The following NCOA1 variants were observed in gnomAD, a reference collection of about 807,000 sequenced individuals.
NCOA1 encodes Hin-2 protein.
NCOA1 carries 35 observed loss-of-function variants against 150.9 expected under a neutral mutation model. The observed-to-expected ratio is 0.23, with a 90% CI of 0.18 to 0.31. The LOEUF is 0.31. Ranked by LOEUF, NCOA1 falls within the 10% of genes least tolerant of loss-of-function variation. The pLI is 1.00. For missense variants in NCOA1, 1,491 were observed against 1,749.3 expected (o/e 0.85, Z 2.63); for synonymous variants, 590 against 630.0 (o/e 0.94, Z 0.95).
At chr2:24,748,522 A>C (rs950101683) in intron 19 of NCOA1, among the ~76,000 whole-genome samples, 4 of 151,348 alleles carry the variant, frequency 2.6e-5, no homozygotes, top group African/African-American at 9.7e-5. Flanking sequence ...AGACAGGAGA[A>C]TTGCTTGAAC....
intron 1 of NCOA1, among the ~76,000 whole-genome samples, chr2:24,511,755 T>G (rs1259461414): frequency 6.6e-6 from 1 of 152,212 alleles, no homozygotes; most frequent in Non-Finnish European, 1.5e-5. Context: ...TTTTGTTCCT[T>G]CTTATGCTTT....
chr2:24,705,197 T>C lies in NCOA1; in HGVS notation c.1061T>C (p.Met354Thr), dbSNP rs770695296. ...CKLCYPQSPD[M>T]QPFIMGIHII... ...CTTTGCTACCCTCAAAGTCCAGACA[T>C]GCAACCTTTCATCATGGGAATTCAT... Residue 354 changes from methionine to threonine, a missense_variant, in exon 12 of 23, where the codon ATG (methionine) becomes ACG (threonine). This residue lies in a region of NCOA1 where 703 missense variants were observed against 717.7 expected (regional missense o/e 0.98). Coordinates refer to ENST00000348332, the MANE Select transcript of NCOA1 (RefSeq NM_003743.5). The C allele has an allele frequency of 1.2e-6, 2 of 1,613,924 alleles. No individual in the cohort carries two copies. The highest frequency in any genetic ancestry group is 1.7e-6 in the Non-Finnish European group (2 of 1,179,914).
chr2:24,756,536 C>G (rs544640579), intron 20 of NCOA1, among the ~76,000 whole-genome samples: 60 of 152,168 alleles, frequency 3.9e-4, no homozygotes, highest in Non-Finnish European at 7.8e-4. Context: ...GTCAGTATAT[C>G]CTTCTTAACA....
chr2:24,684,913 TA>T (rs1346216118), intron 8 of NCOA1, among the ~76,000 whole-genome samples: 1 of 152,078 alleles, frequency 6.6e-6, no homozygotes, highest in African/African-American at 2.4e-5. Context: ...TAGGAGAAAA[TA>T]AATTATAGTA....
chr2:24,502,689 T>C (rs982117041), intron 1 of NCOA1, among the ~76,000 whole-genome samples: 5 of 152,194 alleles, frequency 3.3e-5, no homozygotes, highest in African/African-American at 1.2e-4. Context: ...TGTCAATTTT[T>C]TGTCCTCTAA....
chr2:24,708,689 G>A (rs982578778), intron 13 of NCOA1, among the ~76,000 whole-genome samples: 1 of 152,152 alleles, frequency 6.6e-6, no homozygotes, highest in Admixed American at 6.5e-5. Context: ...GTACAAAGCA[G>A]TTTATCCACG....
At chr2:24,731,823 T>C (rs371238125) in intron 17 of NCOA1, among the ~76,000 whole-genome samples, 1 of 152,138 alleles carries the variant, frequency 6.6e-6, no homozygotes, top group East Asian at 1.9e-4. Context: ...TCACAGAACA[T>C]ATTTAAGGGG....
At chr2:24,533,815 C>G (rs1272576493) in intron 1 of NCOA1, among the ~76,000 whole-genome samples, 2 of 152,150 alleles carry the variant, frequency 1.3e-5, no homozygotes, top group African/African-American at 4.8e-5. Flanking sequence ...GGTGGATAAG[C>G]TTTTTGATGT....
intron 7 of NCOA1, among the ~76,000 whole-genome samples, chr2:24,674,690 G>A (rs572103830): frequency 6.6e-6 from 1 of 152,202 alleles, no homozygotes; most frequent in African/African-American, 2.4e-5. Flanking sequence ...TAAAAATTAA[G>A]TGACACAATT....
At chr2:24,550,025 T>G (rs1451231533) in intron 1 of NCOA1, among the ~76,000 whole-genome samples, 1 of 152,196 alleles carries the variant, frequency 6.6e-6, no homozygotes, top group East Asian at 1.9e-4. Flanking sequence ...ATGCCACCAA[T>G]CTTTTTGCTA....
intron 2 of NCOA1, among the ~76,000 whole-genome samples, chr2:24,569,621 T>C (rs1223225786): frequency 1.4e-5 from 2 of 141,844 alleles, no homozygotes; most frequent in Non-Finnish European, 3.0e-5. Context: ...CCTGTAATCC[T>C]AGCATTTTGG....
At chr2:24,734,364 A>T (rs1033047869) in intron 17 of NCOA1, among the ~76,000 whole-genome samples, 1 of 152,196 alleles carries the variant, frequency 6.6e-6, no homozygotes, top group African/African-American at 2.4e-5. Context: ...AATTCAGTGG[A>T]ATTCCAATAA....
At chr2:24,635,206 G>A (rs543274355) in intron 3 of NCOA1, among the ~76,000 whole-genome samples, 194 of 151,992 alleles carry the variant, frequency 1.3e-3, no homozygotes, top group African/African-American at 4.2e-3. Context: ...TGGTCTCTGT[G>A]TGTCACCTAT....
intron 15 of NCOA1, among the ~76,000 whole-genome samples, chr2:24,727,906 A>C (rs1348042580): frequency 1.3e-5 from 2 of 152,354 alleles, no homozygotes; most frequent in East Asian, 3.9e-4. Context: ...TTAACAATTA[A>C]TGGCATTCAT....
chr2:24,521,169 A>G (rs1378297138), intron 1 of NCOA1, among the ~76,000 whole-genome samples: 1 of 152,200 alleles, frequency 6.6e-6, no homozygotes, highest in African/African-American at 2.4e-5. Flanking sequence ...TATGGTATAC[A>G]ACATGGTATT....
intron 1 of NCOA1, among the ~76,000 whole-genome samples, chr2:24,494,155 G>A (rs967181298): frequency 2.0e-5 from 3 of 152,208 alleles, no homozygotes; most frequent in African/African-American, 7.2e-5. Context: ...AGTGATGAGG[G>A]TGGTATAGAG....
chr2:24,736,765 C>T (rs141902363), intron 17 of NCOA1, among the ~76,000 whole-genome samples: 6 of 152,290 alleles, frequency 3.9e-5, no homozygotes, highest in Non-Finnish European at 7.4e-5. Context: ...TAGCAGCATT[C>T]CTGGCCTCTG....
At chr2:24,737,150 A>C (rs2148656614) in intron 17 of NCOA1, among the ~76,000 whole-genome samples, 1 of 152,314 alleles carries the variant, frequency 6.6e-6, no homozygotes, top group South Asian at 2.1e-4. Context: ...TAAGATTTCC[A>C]AGGAGCTGAG....
At chr2:24,507,435 GTT>G (rs10651704) in intron 1 of NCOA1, among the ~76,000 whole-genome samples, 195 of 126,498 alleles carry the variant, frequency 1.5e-3, no homozygotes, top group East Asian at 3.7e-3. Context: ...GAGCTGCTGG[GTT>G]TTTTTTTTTT....
Sources: allele counts gnomAD v4.1 joint callset (sites outside exome capture counted in the v4.1 genomes callset), GRCh38; gene constraint gnomAD v4.1.1; regional missense constraint gnomAD v4.1.1; transcripts MANE v1.5; gene names NCBI Gene and HGNC (gene_info 2026-07-23, HGNC 2026-07-21).